GPAT4: variants seen among roughly 807,000 people sequenced by gnomAD.
The protein encoded by GPAT4 is glycerol-3-phosphate acyltransferase 4.
Under a neutral mutation model 58.0 loss-of-function variants are expected in GPAT4, and 17 were observed. The observed-to-expected ratio is 0.29, with a 90% confidence interval of 0.20 to 0.44. GPAT4 has a LOEUF of 0.44. GPAT4 is among the 20% of genes least tolerant of loss of function. The probability of loss-of-function intolerance (pLI) is 1.00; values close to 1 mark genes in which losing one functional copy is unlikely to be tolerated. For missense variants in GPAT4, 377 were observed against 574.5 expected, an observed-to-expected ratio of 0.66 and a Z score of 3.51; for synonymous variants, 204 against 210.1, an observed-to-expected ratio of 0.97 and a Z score of 0.25.
At chr8:41,606,119 T>C (rs1019111959) in intron 2 of GPAT4, among the ~76,000 whole-genome samples, 1 of 152,200 alleles carries the variant, frequency 6.6e-6, no homozygotes, top group Admixed American at 6.5e-5. Context: ...CTATACATGT[T>C]AAGTAAACCA....
At chr8:41,592,622 T>C (rs889461364) in intron 1 of GPAT4, among the ~76,000 whole-genome samples, 3 of 152,190 alleles carry the variant, frequency 2.0e-5, no homozygotes, top group Admixed American at 2.0e-4. Context: ...TTCCTCAACA[T>C]ACATAACATG....
At chr8:41,583,451 T>G (rs1020950831) in intron 1 of GPAT4, among the ~76,000 whole-genome samples, 1 of 152,118 alleles carries the variant, frequency 6.6e-6, no homozygotes, top group Non-Finnish European at 1.5e-5. Context: ...CAATTTAAAT[T>G]TTTTTAAAAA....
At chr8:41,582,674 A>AGTGTGTGTGTGT (rs34365074) in intron 1 of GPAT4, among the ~76,000 whole-genome samples, 10 of 142,488 alleles carry the variant, frequency 7.0e-5, no homozygotes, top group African/African-American at 1.8e-4. Context: ...AGAGAGAGAG[A>AGTGTGTGTGTGT]GTGTGTGTGT....
At position 41,609,474 on chromosome 8, in the gene GPAT4, C is replaced by T. The variant is rs962349795; in HGVS notation, c.224C>T (p.Pro75Leu). Residue 75 changes from proline (P) to leucine (L), a missense_variant, in exon 3 of 13, where the codon CCC becomes CTC. By Grantham distance (98) the Pro-to-Leu change is moderately conservative. Transcript: ENST00000396987. The part of the protein sequence containing the change: ...AKEKNHQLYK[P>L]YTNGIIAKDP... Reference sequence around the variant, plus strand: ...GAGAAGAACCACCAGCTTTACAAGCCCTACACCAACGGTAAGATGGGGGTG... The same window carrying T: ...GAGAAGAACCACCAGCTTTACAAGCTCTACACCAACGGTAAGATGGGGGTG... 4 of 1,614,082 alleles carry T rather than the reference C, an allele frequency of 2.5e-6. No homozygotes were observed. The highest frequency in any genetic ancestry group is 3.4e-6 in the Non-Finnish European group (4 of 1,180,004).
intron 12 of GPAT4, among the ~76,000 whole-genome samples, chr8:41,619,847 A>G (rs1307270291): frequency 6.6e-6 from 1 of 152,238 alleles, no homozygotes; most frequent in Non-Finnish European, 1.5e-5. Flanking sequence ...CTTTTAAAAA[A>G]TGCTAGTGTG....
chr8:41,588,666 C>T (rs181816022), intron 1 of GPAT4, among the ~76,000 whole-genome samples: 5 of 152,322 alleles, frequency 3.3e-5, no homozygotes, highest in Admixed American at 2.6e-4. Context: ...CAACAGCTAA[C>T]ACCTGATGTA....
chr8:41,610,470 T>G, intron 4 of GPAT4: 1 of 1,323,670 alleles, frequency 7.6e-7, no homozygotes, highest in Non-Finnish European at 9.7e-7. Flanking sequence ...ATGGCCAGCT[T>G]AGGGTTTTCC....
Position 41,612,976 on chromosome 8 carries a change from C to G in GPAT4, c.911+16C>G. ...TGGCTAAGAGGTAATGGACAGAACA[C>G]TGCTGTTCTGCTTGGCCAGTTAGAA... is the stretch of plus-strand genomic sequence containing the variant. On this transcript the variant is annotated intron_variant, in intron 8 of 12. Transcript: ENST00000396987. 1 of 1,604,806 alleles carries G rather than the reference C, an allele frequency of 6.2e-7. No individual in the cohort carries two copies. The highest frequency in any genetic ancestry group is 8.5e-7 in the Non-Finnish European group (1 of 1,172,042).
intron 1 of GPAT4, among the ~76,000 whole-genome samples, chr8:41,583,456 T>TA (rs1563266857): frequency 6.6e-6 from 1 of 151,756 alleles, no homozygotes; most frequent in African/African-American, 2.4e-5. Context: ...TAAATTTTTT[T>TA]AAAAAAATTG....
At chr8:41,594,546 CTTT>C (rs35439986) in intron 1 of GPAT4, among the ~76,000 whole-genome samples, 9 of 133,550 alleles carry the variant, frequency 6.7e-5, no homozygotes, top group Non-Finnish European at 1.3e-4. Context: ...TTATTACAAA[CTTT>C]TTTTTTTTTT....
chr8:41,586,003 C>T (rs1408950671), intron 1 of GPAT4, among the ~76,000 whole-genome samples: 4 of 152,194 alleles, frequency 2.6e-5, no homozygotes, highest in Non-Finnish European at 5.9e-5. Context: ...AAAGTATGTT[C>T]ACAGATGTGT....
At chr8:41,591,738 C>G (rs1376333370) in intron 1 of GPAT4, among the ~76,000 whole-genome samples, 1 of 152,226 alleles carries the variant, frequency 6.6e-6, no homozygotes, top group Non-Finnish European at 1.5e-5. Flanking sequence ...GCCACACTTG[C>G]ATTGGCACAT....
intron 1 of GPAT4, among the ~76,000 whole-genome samples, chr8:41,580,022 C>T (rs1386711174): frequency 1.3e-5 from 2 of 152,136 alleles, no homozygotes; most frequent in Non-Finnish European, 2.9e-5. Flanking sequence ...TCCACTGACC[C>T]ATACTACTTG....
chr8:41,614,237 A>G, intron 8 of GPAT4, 149 bp from the exon 9 acceptor site: 2 of 618,688 alleles, frequency 3.2e-6, no homozygotes, highest in South Asian at 2.1e-5. Context: ...CTTGATGAGC[A>G]TTAGATTATG....
In GPAT4 at chr8:41,609,327, G is replaced by A. The variant is rs1315093943; in HGVS notation, c.166-89G>A. On this transcript the variant is annotated intron_variant, in intron 2 of 12. Transcript: ENST00000396987. ...GCTACGGTCTTAGGTGACTGGGACT[G>A]AGGCTTTCACAGAATAGAGATGGAG... 5.9e-6 allele frequency: 8 copies of A among 1,364,420 alleles called. No homozygotes were observed. In the African/African-American group the frequency reaches 1.1e-4, roughly 20 times the overall value. 84.5% of individuals were successfully genotyped at this position (1,364,420 alleles called of 1,614,324 possible).
chr8:41,608,901 T>C (rs1803358551), intron 2 of GPAT4, among the ~76,000 whole-genome samples: 1 of 152,206 alleles, frequency 6.6e-6, no homozygotes, highest in African/African-American at 2.4e-5. Context: ...AGTGTTAAGT[T>C]GTGGGATTCT....
At chr8:41,593,791 A>C (rs1376679086) in intron 1 of GPAT4, among the ~76,000 whole-genome samples, 3 of 152,214 alleles carry the variant, frequency 2.0e-5, no homozygotes, top group African/African-American at 7.2e-5. Flanking sequence ...GTTTAGTGGA[A>C]GATAAACCAA....
chr8:41,598,165 G>A (rs938411855), intron 1 of GPAT4, 127 bp from the exon 2 acceptor site: 1 of 152,164 alleles, frequency 6.6e-6, no homozygotes, highest in Non-Finnish European at 1.5e-5. Flanking sequence ...TTGATGACTT[G>A]AGAAGCAGTC....
intron 1 of GPAT4, among the ~76,000 whole-genome samples, chr8:41,597,478 A>T (rs1477231745): frequency 6.6e-6 from 1 of 152,174 alleles, no homozygotes; most frequent in Non-Finnish European, 1.5e-5. Context: ...GGAGGAGTTT[A>T]ATCTCTATGT....
Sources: allele counts gnomAD v4.1 joint callset (sites outside exome capture counted in the v4.1 genomes callset), GRCh38; gene constraint gnomAD v4.1.1; transcripts MANE v1.5; gene names NCBI Gene and HGNC (gene_info 2026-07-23, HGNC 2026-07-21).